Variants in THSD4 observed in about 807,000 individuals in gnomAD.
THSD4 encodes thrombospondin type 1 domain containing 4.
A neutral mutation model predicts 119.0 loss-of-function variants in THSD4; 69 were observed. The ratio of observed to expected loss-of-function variants is 0.58; its 90% CI spans 0.48 to 0.71. The LOEUF (loss-of-function observed/expected upper bound fraction) is 0.71. Ranked by LOEUF, THSD4 falls within the 30% of genes least tolerant of loss-of-function variation. The pLI is 0.00. For missense variants in THSD4, 1,393 were observed against 1,391.1 expected (o/e 1.00, Z -0.02); for synonymous variants, 524 against 540.4 (o/e 0.97, Z 0.42).
At chr15:71,621,645 C>G (rs2050420290) in intron 7 of THSD4, among the ~76,000 whole-genome samples, 2 of 152,204 alleles carry the variant, frequency 1.3e-5, no homozygotes. Context: ...AAATTAATAG[C>G]TATGTTTGGA....
At chr15:71,235,363 A>G (rs1025547286) in intron 4 of THSD4, among the ~76,000 whole-genome samples, 1 of 152,216 alleles carries the variant, frequency 6.6e-6, no homozygotes, top group Non-Finnish European at 1.5e-5. Flanking sequence ...TTTAAGCCAC[A>G]TGGACATTAT....
At chr15:71,268,814 A>G (rs2044495532) in intron 6 of THSD4, among the ~76,000 whole-genome samples, 1 of 152,216 alleles carries the variant, frequency 6.6e-6, no homozygotes, top group African/African-American at 2.4e-5. Flanking sequence ...ACAAACTACC[A>G]TCAGAGAATA....
At chr15:71,182,517 C>A (rs886254845) in intron 3 of THSD4, among the ~76,000 whole-genome samples, 1 of 151,650 alleles carries the variant, frequency 6.6e-6, no homozygotes, top group African/African-American at 2.4e-5. Flanking sequence ...TCAAAATTTC[C>A]ATTCCCTCCC....
intron 4 of THSD4, among the ~76,000 whole-genome samples, chr15:71,215,814 T>C (rs1418408097): frequency 6.6e-6 from 1 of 152,134 alleles, no homozygotes; most frequent in African/African-American, 2.4e-5. Flanking sequence ...CTGATATGAG[T>C]TGCCAATCCT....
intron 7 of THSD4, among the ~76,000 whole-genome samples, chr15:71,475,405 A>AT (rs2047642235): frequency 6.6e-6 from 1 of 152,224 alleles, no homozygotes; most frequent in South Asian, 2.1e-4. Flanking sequence ...GTTGTTTAAC[A>AT]TACCTCTTCA....
chr15:71,371,899 A>G (rs1434590886), intron 6 of THSD4, among the ~76,000 whole-genome samples: 1 of 152,120 alleles, frequency 6.6e-6, no homozygotes, highest in Non-Finnish European at 1.5e-5. Context: ...CATTCTCCCC[A>G]TCACTTTCAG....
intron 3 of THSD4, chr15:71,165,098 G>A (rs753945859): frequency 1.2e-6 from 2 of 1,611,098 alleles, no homozygotes; most frequent in African/African-American, 2.7e-5. Context: ...GCGATACTCA[G>A]AGCAGAAGAG....
intron 7 of THSD4, among the ~76,000 whole-genome samples, chr15:71,581,770 A>G (rs1317804832): frequency 6.6e-6 from 1 of 152,136 alleles, no homozygotes; most frequent in African/African-American, 2.4e-5. Context: ...CTGAGAGACT[A>G]TTCTTTCTCC....
At chr15:71,219,371 A>C (rs1462299899) in intron 4 of THSD4, among the ~76,000 whole-genome samples, 1 of 152,162 alleles carries the variant, frequency 6.6e-6, no homozygotes, top group Non-Finnish European at 1.5e-5. Context: ...AGATTTTGGG[A>C]ATCAAATATT....
chr15:71,199,458 G>GTGTGTGTGGTGTGT (rs2043749091), intron 3 of THSD4, among the ~76,000 whole-genome samples: 1 of 143,028 alleles, frequency 7.0e-6, no homozygotes, highest in Admixed American at 7.0e-5. Context: ...TGTGTGGGGG[G>GTGTGTGTGGTGTGT]GGGTGTGTGT....
At chr15:71,340,686 A>G (rs2045554956) in intron 6 of THSD4, among the ~76,000 whole-genome samples, 2 of 148,988 alleles carry the variant, frequency 1.3e-5, no homozygotes, top group South Asian at 2.1e-4. Context: ...GCTTGCTGCA[A>G]CCTCTGCCTG....
chr15:71,252,706 G>A (rs1490387691), intron 5 of THSD4, among the ~76,000 whole-genome samples: 2 of 152,198 alleles, frequency 1.3e-5, no homozygotes, highest in African/African-American at 4.8e-5. Flanking sequence ...CACCACTTAT[G>A]AGCCCTATGA....
At chr15:71,309,427 A>G (rs757019765) in intron 6 of THSD4, among the ~76,000 whole-genome samples, 5 of 152,164 alleles carry the variant, frequency 3.3e-5, no homozygotes, top group Non-Finnish European at 7.4e-5. Flanking sequence ...ATTTGCAGAT[A>G]TTGTCTTCCA....
In THSD4 at chr15:71,664,304, C is replaced by CT. The variant is rs1355442601; in HGVS notation, c.1357+3573dup. 2.9e-3 allele frequency among the ~76,000 whole-genome samples: 438 copies of CT among 151,292 alleles called. 3 individuals carry two copies. Among genetic ancestry groups the CT allele is most frequent in the African/African-American group, 9.4e-3 (389 of 41,316 alleles). ...GCCAAAGATTCCAGAACTTTTACAACTTTATTTTTTTTTAGTTTCCTGTTG... is the reference window on the plus strand; with the variant it reads ...GCCAAAGATTCCAGAACTTTTACAACTTTTATTTTTTTTTAGTTTCCTGTTG... On this transcript the variant is annotated intron_variant, in intron 8 of 17. Coordinates refer to ENST00000261862, the MANE Select transcript of THSD4 (RefSeq NM_024817.3).
intron 7 of THSD4, among the ~76,000 whole-genome samples, chr15:71,502,889 C>T (rs1567011401): frequency 1.3e-5 from 2 of 152,182 alleles, no homozygotes; most frequent in Non-Finnish European, 2.9e-5. Flanking sequence ...GTTACTTCAG[C>T]CCTTGTATGT....
intron 7 of THSD4, among the ~76,000 whole-genome samples, chr15:71,479,183 T>A (rs1226740572): frequency 4.5e-3 from 38 of 8,362 alleles, no homozygotes; most frequent in Non-Finnish European, 7.7e-3. Flanking sequence ...CTTCTGCCTT[T>A]TTTTTTTTTT....
At chr15:71,748,194 G>T (rs1478485453) in intron 13 of THSD4, among the ~76,000 whole-genome samples, 2 of 152,156 alleles carry the variant, frequency 1.3e-5, no homozygotes, top group Non-Finnish European at 2.9e-5. Context: ...TCAGCTGGGA[G>T]GCTTAGGATT....
At chr15:71,530,560 T>C (rs952709153) in intron 7 of THSD4, among the ~76,000 whole-genome samples, 2 of 152,150 alleles carry the variant, frequency 1.3e-5, no homozygotes, top group African/African-American at 4.8e-5. Context: ...CCCCAATCAT[T>C]CATTATCCAG....
At chr15:71,208,346 C>T (rs1268093283) in intron 3 of THSD4, among the ~76,000 whole-genome samples, 1 of 152,160 alleles carries the variant, frequency 6.6e-6, no homozygotes, top group Admixed American at 6.5e-5. Flanking sequence ...TCAGTTAGGG[C>T]ATCCAGCTCC....
Sources: gnomAD v4.1 joint callset for allele counts (sites outside exome capture counted in the v4.1 genomes callset) on GRCh38, gnomAD v4.1.1 for gene constraint, MANE v1.5 for transcripts, NCBI Gene and HGNC (gene_info 2026-07-23, HGNC 2026-07-21) for gene names.